Variants in DTNA observed in about 807,000 individuals in gnomAD.
DTNA encodes dystrobrevin alpha.
In DTNA, 43 loss-of-function variants were observed where a neutral mutation model predicts 100.7. That is an observed-to-expected ratio of 0.43 (90% confidence interval 0.33 to 0.55). The LOEUF (loss-of-function observed/expected upper bound fraction) is 0.55. DTNA is among the 20% of genes least tolerant of loss of function. The probability of loss-of-function intolerance (pLI) is 0.04; values close to 1 mark genes in which losing one functional copy is unlikely to be tolerated. For synonymous variants in DTNA, 349 were observed against 347.9 expected (o/e 1.00, Z -0.04); for missense variants, 798 against 953.9 (o/e 0.84, Z 2.15).
At chr18:34,761,169 C>CAG (rs2093143129) in intron 2 of DTNA, among the ~76,000 whole-genome samples, 1 of 133,086 alleles carries the variant, frequency 7.5e-6, no homozygotes, top group African/African-American at 2.8e-5. Context: ...CACACACACA[C>CAG]AGAGCCAATG....
intron 1 of DTNA, among the ~76,000 whole-genome samples, chr18:34,605,326 C>T (rs891406807): frequency 7.2e-5 from 11 of 152,008 alleles, no homozygotes; most frequent in Non-Finnish European, 1.3e-4. Context: ...TGTATGGACC[C>T]ACATGTCCAA....
chr18:34,576,001 T>G (rs2048079009), intron 1 of DTNA, among the ~76,000 whole-genome samples: 1 of 152,194 alleles, frequency 6.6e-6, no homozygotes, highest in African/African-American at 2.4e-5. Flanking sequence ...ATTTTAAGTT[T>G]TTCTTCATCT....
chr18:34,801,928 C>T (rs1235475955), intron 4 of DTNA, among the ~76,000 whole-genome samples: 1 of 152,226 alleles, frequency 6.6e-6, no homozygotes, highest in Non-Finnish European at 1.5e-5. Context: ...GAAAGACTTA[C>T]ATGGCCATGT....
At chr18:34,521,566 CCT>C (rs2042151792) in intron 1 of DTNA, among the ~76,000 whole-genome samples, 1 of 152,094 alleles carries the variant, frequency 6.6e-6, no homozygotes, top group African/African-American at 2.4e-5. Context: ...CTTGGACCTC[CCT>C]CTCTAGCTTC....
chr18:34,795,253 A>G (rs1234994319), intron 4 of DTNA, among the ~76,000 whole-genome samples: 2 of 152,166 alleles, frequency 1.3e-5, no homozygotes, highest in Non-Finnish European at 2.9e-5. Flanking sequence ...GGCTAATGTT[A>G]TTTTGCAATT....
chr18:34,783,766 C>T (rs1273246716), intron 3 of DTNA, among the ~76,000 whole-genome samples: 1 of 152,144 alleles, frequency 6.6e-6, no homozygotes, highest in African/African-American at 2.4e-5. Flanking sequence ...TCTATTGACC[C>T]TGGAAAAGCA....
intron 2 of DTNA, among the ~76,000 whole-genome samples, chr18:34,760,238 G>A (rs916472738): frequency 1.3e-4 from 19 of 151,882 alleles, no homozygotes; most frequent in African/African-American, 2.7e-4. Context: ...ACCATGGATC[G>A]CCACCCCAGA....
chr18:34,538,912 A>T (rs1277207536), intron 1 of DTNA, among the ~76,000 whole-genome samples: 3 of 152,028 alleles, frequency 2.0e-5, no homozygotes, highest in Non-Finnish European at 2.9e-5. Flanking sequence ...TTGCTTATTT[A>T]TAAATTAAAA....
rs1266793292 is a variant in DTNA at position 34,890,436 on chromosome 18, T to C, written c.*2702T>C. The C allele has an allele frequency of 6.5e-7, 1 of 1,536,154 alleles. No individual in the cohort carries two copies. The highest frequency in any genetic ancestry group is 2.0e-5 in the Admixed American group (1 of 50,996). ...CTCCAGATTTACTTTTGGGGCCTGT[T>C]CTAAGTGCAAACCCAGCAAGTTTCA... On this transcript the variant is annotated 3_prime_UTR_variant, in exon 23 of 23. Transcript: ENST00000444659.
chr18:34,665,145 C>T (rs2075730646), intron 1 of DTNA, among the ~76,000 whole-genome samples: 1 of 152,046 alleles, frequency 6.6e-6, no homozygotes, highest in African/African-American at 2.4e-5. Context: ...AGCATTCTTT[C>T]CCAGAATTAG....
rs571524457 is a variant in DTNA at position 34,665,881 on chromosome 18, A to T, written c.-1-90095A>T. On this transcript the variant is annotated intron_variant, in intron 1 of 19. Transcript: ENST00000283365. ...TATTGTGAGTAGTGCTGCAATAAACATACGTGTGCATGTGTCTTTATAGCA... is the reference window on the plus strand; with the variant it reads ...TATTGTGAGTAGTGCTGCAATAAACTTACGTGTGCATGTGTCTTTATAGCA... Among the ~76,000 whole-genome samples, 7 of 152,276 alleles carry T rather than the reference A, an allele frequency of 4.6e-5. No homozygotes were observed. The South Asian group carries it at 1.4e-3, about 32-fold the overall frequency.
chr18:34,715,432 G>A (rs2083836086), intron 1 of DTNA, among the ~76,000 whole-genome samples: 2 of 152,114 alleles, frequency 1.3e-5, no homozygotes, highest in Admixed American at 6.5e-5. Context: ...CACATGTTAT[G>A]AAATGTTCAC....
chr18:34,508,813 T>A (rs1208756151), intron 1 of DTNA, among the ~76,000 whole-genome samples: 3 of 152,190 alleles, frequency 2.0e-5, no homozygotes, highest in African/African-American at 4.8e-5. Flanking sequence ...CTGTGTATAA[T>A]TTTTTAAGCT....
At chr18:34,829,931 C>T (rs993350096) in intron 11 of DTNA, among the ~76,000 whole-genome samples, 3 of 152,356 alleles carry the variant, frequency 2.0e-5, no homozygotes, top group East Asian at 3.9e-4. Context: ...TTGTACCTTT[C>T]TGTCCTATTG....
At chr18:34,642,526 CTTCTTTCT>C (rs918009138) in intron 1 of DTNA, among the ~76,000 whole-genome samples, 1 of 147,730 alleles carries the variant, frequency 6.8e-6, no homozygotes, top group Non-Finnish European at 1.5e-5. Context: ...TCCTTCTTTC[CTTCTTTCT>C]TTCCTTCCTT....
chr18:34,862,773 G>A lies in DTNA; in HGVS notation c.1647-1193G>A, dbSNP rs553432378. Among the ~76,000 whole-genome samples, 12 of 152,180 alleles carry A rather than the reference G, an allele frequency of 7.9e-5. No individual in the cohort carries two copies. The South Asian group carries it at 1.7e-3, about 21-fold the overall frequency. On this transcript the variant is annotated intron_variant, in intron 16 of 22. Transcript: ENST00000444659. The stretch of plus-strand genomic sequence containing the variant: ...TATGATTATGCCACTGCACTCCAGC[G>A]TAGGCAACAGAGTGAGACCTTGTCT...
intron 5 of DTNA, among the ~76,000 whole-genome samples, chr18:34,807,350 C>G (rs1391212127): frequency 1.3e-5 from 2 of 152,152 alleles, no homozygotes; most frequent in African/African-American, 2.4e-5. Flanking sequence ...TCAGTTACTT[C>G]ACTTCTTTAG....
chr18:34,783,497 G>C (rs1033074592), intron 3 of DTNA, among the ~76,000 whole-genome samples: 2 of 152,178 alleles, frequency 1.3e-5, no homozygotes. Context: ...TTCTCTCTAA[G>C]GATCCTTAGC....
chr18:34,848,535 TTGG>T (rs1276911955), intron 14 of DTNA, 152 bp downstream of exon 14: 1 of 908,156 alleles, frequency 1.1e-6, no homozygotes, highest in Non-Finnish European at 1.7e-6. Flanking sequence ...TTGTGGTGTC[TTGG>T]TGGTGAATTT....
Sources: allele counts gnomAD v4.1 joint callset (sites outside exome capture counted in the v4.1 genomes callset), GRCh38; gene constraint gnomAD v4.1.1; transcripts MANE v1.5; gene names NCBI Gene and HGNC (gene_info 2026-07-23, HGNC 2026-07-21).